The following DPP10 variants were observed in gnomAD, a reference collection of about 807,000 sequenced individuals.
DPP10 encodes the protein dipeptidyl peptidase like 10, also known as inactive dipeptidyl peptidase 10.
A neutral mutation model predicts 120.9 loss-of-function variants in DPP10; 33 were observed. That is an observed-to-expected ratio of 0.27 (90% CI 0.21 to 0.37). DPP10 has a LOEUF of 0.37. Ranked by LOEUF, DPP10 falls within the 10% of genes least tolerant of loss-of-function variation. DPP10 has a pLI of 1.00. For synonymous variants in DPP10, 337 were observed against 326.1 expected, an observed-to-expected ratio of 1.03 and a Z score of -0.36; for missense variants, 816 against 942.8, an observed-to-expected ratio of 0.87 and a Z score of 1.76.
chr2:114,529,238 C>T (rs1175837683), intron 1 of DPP10, among the ~76,000 whole-genome samples: 1 of 152,138 alleles, frequency 6.6e-6, no homozygotes, highest in Non-Finnish European at 1.5e-5. Context: ...GTGTTAGTGA[C>T]TCCTTTGCTA....
At chr2:115,231,853 T>G (rs2057750194) in intron 1 of DPP10, among the ~76,000 whole-genome samples, 1 of 152,292 alleles carries the variant, frequency 6.6e-6, no homozygotes, top group African/African-American at 2.4e-5. Context: ...GGCCAGTACT[T>G]CTCACACCTT....
intron 5 of DPP10, among the ~76,000 whole-genome samples, chr2:115,654,009 T>C (rs1253840646): frequency 6.6e-6 from 1 of 151,886 alleles, no homozygotes; most frequent in Non-Finnish European, 1.5e-5. Context: ...AACTCTTTTA[T>C]TAAGAATAAA....
At chr2:114,501,542 G>A (rs1038921923) in intron 1 of DPP10, among the ~76,000 whole-genome samples, 24 of 152,098 alleles carry the variant, frequency 1.6e-4, no homozygotes, top group African/African-American at 4.1e-4. Context: ...TTTATCAAGC[G>A]ATCTCCTAGT....
At chr2:115,479,141 G>A (rs1335426156) in intron 3 of DPP10, among the ~76,000 whole-genome samples, 4 of 152,136 alleles carry the variant, frequency 2.6e-5, no homozygotes, top group African/African-American at 9.7e-5. Context: ...AAGCTAAAAT[G>A]TGGAAGCAAC....
intron 5 of DPP10, among the ~76,000 whole-genome samples, chr2:115,600,154 T>C (rs2083236631): frequency 6.6e-6 from 1 of 152,160 alleles, no homozygotes; most frequent in Non-Finnish European, 1.5e-5. Flanking sequence ...ACCAATAAAA[T>C]AGGGATTTTA....
At chr2:115,703,795 A>T (rs1243995491) in intron 7 of DPP10, among the ~76,000 whole-genome samples, 1 of 152,062 alleles carries the variant, frequency 6.6e-6, no homozygotes, top group Non-Finnish European at 1.5e-5. Context: ...TTAACACAAG[A>T]AATTAACCAT....
chr2:114,912,979 T>C (rs919281096), intron 1 of DPP10, among the ~76,000 whole-genome samples: 1 of 152,206 alleles, frequency 6.6e-6, no homozygotes, highest in African/African-American at 2.4e-5. Flanking sequence ...CTGTGTTGGC[T>C]GCTAAACTTG....
intron 8 of DPP10, among the ~76,000 whole-genome samples, chr2:115,729,358 T>G (rs1462905756): frequency 6.6e-6 from 1 of 152,180 alleles, no homozygotes; most frequent in Non-Finnish European, 1.5e-5. Context: ...CCCTGACAGA[T>G]GAAGAAACCA....
chr2:115,020,114 T>G (rs1005439775), intron 1 of DPP10, among the ~76,000 whole-genome samples: 1 of 152,106 alleles, frequency 6.6e-6, no homozygotes, highest in Non-Finnish European at 1.5e-5. Context: ...AAACCCAAGT[T>G]ATTCAGACAA....
chr2:114,484,679 C>G (rs1415883211), intron 1 of DPP10, among the ~76,000 whole-genome samples: 1 of 152,126 alleles, frequency 6.6e-6, no homozygotes, highest in Non-Finnish European at 1.5e-5. Context: ...TCTCTCATCC[C>G]ACACCAGAAC....
intron 5 of DPP10, among the ~76,000 whole-genome samples, chr2:115,644,203 T>C (rs986675190): frequency 1.3e-5 from 2 of 152,180 alleles, no homozygotes; most frequent in African/African-American, 4.8e-5. Flanking sequence ...AGGGTACATG[T>C]GCACAACGTG....
At position 114,961,602 on chromosome 2, in the gene DPP10, G is replaced by A. The variant is rs190527622; in HGVS notation, c.61-347637G>A. On this transcript the variant is annotated intron_variant, in intron 1 of 25. Transcript: ENST00000410059. ...TGTTTGTGTTTGAGAGTGTTTGTGT[G>A]TGTATGTGTGCATTTCAGAGAAATC... Among the ~76,000 whole-genome samples, 151 of 152,288 alleles carry A rather than the reference G, an allele frequency of 9.9e-4. 1 individual carries two copies. The highest frequency in any genetic ancestry group is 2.0e-3 in the Non-Finnish European group (133 of 68,026).
intron 3 of DPP10, among the ~76,000 whole-genome samples, chr2:115,448,693 A>G (rs2072839994): frequency 6.6e-6 from 1 of 152,162 alleles, no homozygotes; most frequent in South Asian, 2.1e-4. Flanking sequence ...TATTTATTGA[A>G]TGAATTCCTC....
intron 5 of DPP10, among the ~76,000 whole-genome samples, chr2:115,530,655 G>T (rs1451523940): frequency 6.6e-6 from 1 of 150,932 alleles, no homozygotes; most frequent in East Asian, 1.9e-4. Flanking sequence ...ACTCCAGCCT[G>T]AGTGACAGGG....
intron 1 of DPP10, among the ~76,000 whole-genome samples, chr2:114,901,858 A>C (rs1476147593): frequency 6.6e-6 from 1 of 152,208 alleles, no homozygotes; most frequent in Non-Finnish European, 1.5e-5. Context: ...TGTCCTGAAG[A>C]CAAAGCACAA....
intron 1 of DPP10, among the ~76,000 whole-genome samples, chr2:114,838,286 C>T (rs995519402): frequency 5.3e-5 from 8 of 152,170 alleles, no homozygotes; most frequent in African/African-American, 1.9e-4. Context: ...TAGAAGTTCA[C>T]CTAATTCTTA....
At chr2:114,560,243 G>T (rs1200063159) in intron 1 of DPP10, among the ~76,000 whole-genome samples, 7 of 152,172 alleles carry the variant, frequency 4.6e-5, no homozygotes, top group Non-Finnish European at 1.0e-4. Flanking sequence ...GGGCAGAGGG[G>T]CAGAGTGGAA....
chr2:114,995,780 T>C (rs1701041258), intron 1 of DPP10, among the ~76,000 whole-genome samples: 1 of 152,218 alleles, frequency 6.6e-6, no homozygotes, highest in African/African-American at 2.4e-5. Flanking sequence ...CAAAGTCTAA[T>C]GTATGTGCAA....
intron 3 of DPP10, among the ~76,000 whole-genome samples, chr2:115,418,056 A>G (rs1574781864): frequency 6.6e-6 from 1 of 152,320 alleles, no homozygotes; most frequent in East Asian, 1.9e-4. Flanking sequence ...AATCAACTTC[A>G]GAAATCCAGC....
Sources: allele counts gnomAD v4.1 joint callset (sites outside exome capture counted in the v4.1 genomes callset), GRCh38; gene constraint gnomAD v4.1.1; transcripts MANE v1.5; gene names NCBI Gene and HGNC (gene_info 2026-07-23, HGNC 2026-07-21).